TIGAR: variants seen among roughly 807,000 people sequenced by gnomAD.
The protein encoded by TIGAR is fructose-2,6-bisphosphatase TIGAR.
In TIGAR, 7 loss-of-function variants were observed where a neutral mutation model predicts 17.9. The observed-to-expected ratio is 0.39, with a 90% confidence interval of 0.22 to 0.73. The LOEUF (loss-of-function observed/expected upper bound fraction) is 0.73. Ranked by LOEUF, TIGAR falls within the 30% of genes least tolerant of loss-of-function variation. The pLI, the probability that TIGAR is intolerant of heterozygous loss-of-function variation, is 0.42. For synonymous variants in TIGAR, 94 were observed against 108.6 expected (o/e 0.87, Z 0.84); for missense variants, 258 against 327.4 (o/e 0.79, Z 1.64).
At chr12:4,350,706 G>T (rs928985088) in intron 4 of TIGAR, among the ~76,000 whole-genome samples, 1 of 151,942 alleles carries the variant, frequency 6.6e-6, no homozygotes, top group Non-Finnish European at 1.5e-5. Flanking sequence ...GAACCCAGGA[G>T]GCGGAGGTTG....
At chr12:4,338,044 C>T (rs1216751354) in intron 3 of TIGAR, among the ~76,000 whole-genome samples, 1 of 152,010 alleles carries the variant, frequency 6.6e-6, no homozygotes, top group Non-Finnish European at 1.5e-5. Flanking sequence ...GCAGGAGAAT[C>T]GCTTGAACAC....
rs1864954544 is a variant in TIGAR, at chr12:4,359,755, G to C, written c.*7064G>C. Among the ~76,000 whole-genome samples, 1 of 152,124 alleles carries C rather than the reference G, an allele frequency of 6.6e-6. No homozygotes were observed. Among genetic ancestry groups the C allele is most frequent in the South Asian group, 2.1e-4 (1 of 4,836 alleles). On this transcript the variant is annotated 3_prime_UTR_variant, in exon 6 of 6. Coordinates refer to ENST00000179259, the MANE Select transcript of TIGAR (RefSeq NM_020375.3). ...TTGCTGAGTTATAGGTTATATGTTG[G>C]TGTATGTTTAGTTTTATAAGACACT...
Position 4,358,791 on chromosome 12 carries a change from G to T in TIGAR, c.*6100G>T, listed in dbSNP as rs1864942395. ...ACTGTGTGTTGTGTTGCATTTAGTT[G>T]TCATGTTTCTTCATGTCCTTCCGTC... On this transcript the variant is annotated 3_prime_UTR_variant, in exon 6 of 6. Transcript: ENST00000179259. Among the ~76,000 whole-genome samples, 2 of 145,736 alleles carry T rather than the reference G, an allele frequency of 1.4e-5. No individual in the cohort carries two copies. Among genetic ancestry groups the T allele is most frequent in the East Asian group, 2.3e-4 (1 of 4,402 alleles).
At chr12:4,334,528 C>G (rs915929912) in intron 2 of TIGAR, among the ~76,000 whole-genome samples, 1 of 152,184 alleles carries the variant, frequency 6.6e-6, no homozygotes, top group East Asian at 1.9e-4. Context: ...CCAAAAAATA[C>G]AAAGAACTTG....
At chr12:4,335,913 T>G (rs1864653222) in intron 2 of TIGAR, among the ~76,000 whole-genome samples, 1 of 152,242 alleles carries the variant, frequency 6.6e-6, no homozygotes, top group Non-Finnish European at 1.5e-5. Flanking sequence ...TGATTTTTAT[T>G]ATTAAAAGAT....
chr12:4,357,644 A>G lies in TIGAR; in HGVS notation c.*4953A>G, dbSNP rs1436947518. Among the ~76,000 whole-genome samples, 4 of 152,032 alleles carry G rather than the reference A, an allele frequency of 2.6e-5. No individual in the cohort carries two copies. The highest frequency in any genetic ancestry group is 5.9e-5 in the Non-Finnish European group (4 of 67,994). ...CTACCAGTGCTTTAAAAACTTTAGG[A>G]TTTCCCCCCACAGTTCTCAATCACT... On this transcript the variant is annotated 3_prime_UTR_variant, in exon 6 of 6. Coordinates refer to ENST00000179259, the MANE Select transcript of TIGAR (RefSeq NM_020375.3).
Position 4,352,525 on chromosome 12 carries a change from C to G in TIGAR, c.647C>G (p.Ser216Cys), listed in dbSNP as rs1225615803. The G allele has an allele frequency of 2.5e-6, 4 of 1,613,964 alleles. No homozygotes were observed. The highest frequency in any genetic ancestry group is 3.4e-6 in the Non-Finnish European group (4 of 1,180,030). The change falls in exon 6 of 6, where the codon TCC becomes TGC. Residue 216 changes from serine to cysteine, a missense_variant. Physicochemically the swap from Ser to Cys is moderately radical, Grantham distance 112 (BLOSUM62 -1). Transcript: ENST00000179259. ...TATTTTCTGACTGACCTTAAGTGTT[C>G]CTTACCAGCCACTCTGAGCAGATCT... ...FDYFLTDLKC[S>C]LPATLSRSEL...
rs71579225 is a variant in TIGAR, at chr12:4,352,619, A to G, written c.741A>G (p.Glu247=). The G allele has an allele frequency of 3.2e-5, 52 of 1,610,376 alleles. No individual in the cohort carries two copies. Among genetic ancestry groups the G allele is most frequent in the Middle Eastern group, 3.3e-4 (2 of 6,062 alleles). ...TCATAAACTTTGAGGAAGGAAGAGA[A>G]GTTAAACCAACGGTTCAGTGTATTT... ...LFIINFEEGR[E]VKPTVQCICM... is the part of the protein sequence containing the mutation. The change falls in exon 6 of 6, where the codon GAA becomes GAG. Residue 247 remains glutamate, a synonymous_variant. Transcript: ENST00000179259.
At chr12:4,349,145 T>C (rs1864811212) in intron 3 of TIGAR, among the ~76,000 whole-genome samples, 1 of 152,214 alleles carries the variant, frequency 6.6e-6, no homozygotes, top group African/African-American at 2.4e-5. Flanking sequence ...TAGTAATTTT[T>C]TTTTAGGGTT....
At position 4,344,146 on chromosome 12, in the gene TIGAR, C is replaced by G. The variant is rs540705733; in HGVS notation, c.193-5673C>G. 3.3e-5 allele frequency among the ~76,000 whole-genome samples: 5 copies of G among 152,226 alleles called. No homozygotes were observed. In the South Asian group the frequency reaches 1.0e-3, roughly 32 times the overall value. ...GTCTAGAAGAAATGGATAAATTCCT[C>G]GACACCTACACCCTCCCAAGACTAA... On this transcript the variant is annotated intron_variant, in intron 3 of 5. Transcript: ENST00000179259.
intron 1 of TIGAR, among the ~76,000 whole-genome samples, chr12:4,328,053 A>G (rs1382549624): frequency 1.3e-5 from 2 of 152,190 alleles, no homozygotes; most frequent in Non-Finnish European, 2.9e-5. Context: ...AATCCAATAC[A>G]TGGTAACTAT....
At chr12:4,347,512 C>T (rs59339638) in intron 3 of TIGAR, among the ~76,000 whole-genome samples, 25,438 of 151,990 alleles carry the variant, frequency 0.17, 3,067 homozygotes, top group East Asian at 0.53. Flanking sequence ...TAGTCAATAA[C>T]AATGTAATTG....
chr12:4,332,039 T>C (rs908984674), intron 2 of TIGAR, among the ~76,000 whole-genome samples: 1 of 152,142 alleles, frequency 6.6e-6, no homozygotes, highest in African/African-American at 2.4e-5. Context: ...TCAGACGAAA[T>C]ATGCCCCACC....
chr12:4,357,534 T>A lies in TIGAR; in HGVS notation c.*4843T>A, dbSNP rs1253095438. Among the ~76,000 whole-genome samples the A allele has an allele frequency of 6.6e-6, 1 of 152,196 alleles. No individual in the cohort carries two copies. The highest frequency in any genetic ancestry group is 6.5e-5 in the Admixed American group (1 of 15,278). On this transcript the variant is annotated 3_prime_UTR_variant, in exon 6 of 6. Coordinates refer to ENST00000179259, the MANE Select transcript of TIGAR (RefSeq NM_020375.3). ...CCCTCTTTCTTTGGGCCCCATCAAT[T>A]TGGAAGTACAGCTTTCAGATTGAAG...
intron 2 of TIGAR, among the ~76,000 whole-genome samples, chr12:4,334,301 T>G (rs915177191): frequency 1.3e-5 from 2 of 152,130 alleles, no homozygotes; most frequent in Non-Finnish European, 2.9e-5. Context: ...ACTGCTGTCT[T>G]CTGGTTAATA....
At chr12:4,341,782 A>T (rs1479605533) in intron 3 of TIGAR, among the ~76,000 whole-genome samples, 2 of 152,154 alleles carry the variant, frequency 1.3e-5, no homozygotes, top group African/African-American at 4.8e-5. Flanking sequence ...AACCACAAAG[A>T]TGGGGAAAAA....
Position 4,358,061 on chromosome 12 carries a change from G to A in TIGAR, c.*5370G>A, listed in dbSNP as rs893025967. Among the ~76,000 whole-genome samples the A allele has an allele frequency of 1.0e-4, 15 of 146,036 alleles. No individual in the cohort carries two copies. The East Asian group carries it at 1.6e-3, about 16-fold the overall frequency. ...GGAGCTTGCAGTGAGCCAAGGTCGCGCCACTGCACTGCAGCCTGGGTGACA... is the reference window on the plus strand; with the variant it reads ...GGAGCTTGCAGTGAGCCAAGGTCGCACCACTGCACTGCAGCCTGGGTGACA... On this transcript the variant is annotated 3_prime_UTR_variant, in exon 6 of 6. Transcript: ENST00000179259.
At chr12:4,345,426 A>G (rs1864769058) in intron 3 of TIGAR, among the ~76,000 whole-genome samples, 1 of 152,212 alleles carries the variant, frequency 6.6e-6, no homozygotes, top group East Asian at 1.9e-4. Context: ...GACCAATGGA[A>G]CAGAACAGAG....
intron 3 of TIGAR, among the ~76,000 whole-genome samples, chr12:4,345,554 A>C (rs545877938): frequency 5.4e-4 from 83 of 152,368 alleles, no homozygotes; most frequent in African/African-American, 1.9e-3. Flanking sequence ...CTGGCTAGCC[A>C]TATGTAGAAA....
Sources: gnomAD v4.1 joint callset for allele counts (sites outside exome capture counted in the v4.1 genomes callset) on GRCh38, gnomAD v4.1.1 for gene constraint, MANE v1.5 for transcripts, NCBI Gene and HGNC (gene_info 2026-07-23, HGNC 2026-07-21) for gene names.